NRXN1: variants seen among roughly 807,000 people sequenced by gnomAD.
NRXN1 encodes the protein neurexin-1.
A neutral mutation model predicts 150.9 loss-of-function variants in NRXN1; 39 were observed. The observed-to-expected ratio is 0.26, with a 90% CI of 0.20 to 0.34. The LOEUF is 0.34. Among genes scored for constraint, NRXN1 ranks in the 10% least tolerant of loss-of-function variants. The pLI is 1.00. For missense variants in NRXN1, 1,815 were observed against 1,949.9 expected (o/e 0.93, Z 1.30); for synonymous variants, 924 against 757.0 (o/e 1.22, Z -3.62).
At chr2:50,807,175 G>C (rs903046143) in intron 5 of NRXN1, among the ~76,000 whole-genome samples, 3 of 151,746 alleles carry the variant, frequency 2.0e-5, no homozygotes, top group African/African-American at 7.3e-5. Flanking sequence ...ATCTATCTTT[G>C]TCTCCTATTA....
intron 17 of NRXN1, among the ~76,000 whole-genome samples, chr2:50,450,194 T>C (rs1021849398): frequency 5.3e-5 from 8 of 152,180 alleles, no homozygotes; most frequent in African/African-American, 1.9e-4. Flanking sequence ...ATGCTCTTCC[T>C]GCTTCTGTCT....
intron 17 of NRXN1, among the ~76,000 whole-genome samples, chr2:50,267,883 T>TA (rs971653534): frequency 0.016 from 2,313 of 148,688 alleles, 27 homozygotes; most frequent in Non-Finnish European, 0.024. Context: ...TGGAAGTGAT[T>TA]AAAAAAAAAA....
chr2:50,197,345 A>T (rs2061842877), intron 18 of NRXN1, among the ~76,000 whole-genome samples: 1 of 152,106 alleles, frequency 6.6e-6, no homozygotes, highest in African/African-American at 2.4e-5. Flanking sequence ...TCAATTGATC[A>T]TGAACATTTA....
intron 21 of NRXN1, among the ~76,000 whole-genome samples, chr2:50,014,930 G>C (rs1014985761): frequency 1.3e-5 from 2 of 152,142 alleles, no homozygotes; most frequent in African/African-American, 4.8e-5. Context: ...ATCACAGCCG[G>C]TGTAGTCAAG....
At chr2:50,125,008 A>G (rs1704366817) in intron 18 of NRXN1, among the ~76,000 whole-genome samples, 1 of 152,178 alleles carries the variant, frequency 6.6e-6, no homozygotes, top group Non-Finnish European at 1.5e-5. Flanking sequence ...AAACATAGAT[A>G]TGTATGTAAG....
intron 5 of NRXN1, among the ~76,000 whole-genome samples, chr2:50,689,846 T>C (rs893863419): frequency 4.0e-5 from 6 of 148,344 alleles, no homozygotes; most frequent in African/African-American, 1.5e-4. Flanking sequence ...TTGTTTTTTT[T>C]TGCTTATTTG....
At chr2:50,894,590 T>C (rs1470282579) in intron 5 of NRXN1, among the ~76,000 whole-genome samples, 6 of 152,086 alleles carry the variant, frequency 3.9e-5, no homozygotes, top group African/African-American at 7.2e-5. Flanking sequence ...TTCTTTATAG[T>C]GTCTAAGATC....
chr2:50,103,104 T>C (rs894584801), intron 18 of NRXN1, among the ~76,000 whole-genome samples: 1 of 152,094 alleles, frequency 6.6e-6, no homozygotes, highest in Middle Eastern at 3.2e-3. Context: ...GTGTCATTCA[T>C]CAATGTGCAT....
At chr2:50,561,750 T>C (rs1669113037) in intron 8 of NRXN1, among the ~76,000 whole-genome samples, 1 of 152,128 alleles carries the variant, frequency 6.6e-6, no homozygotes, top group African/African-American at 2.4e-5. Context: ...CACAGACAGA[T>C]ATAAAAGTCC....
chr2:50,479,349 T>C (rs1176961574), intron 15 of NRXN1, among the ~76,000 whole-genome samples: 2 of 152,116 alleles, frequency 1.3e-5, no homozygotes, highest in Admixed American at 6.6e-5. Context: ...CCTACTCAAC[T>C]TGGGGGACTC....
intron 8 of NRXN1, among the ~76,000 whole-genome samples, chr2:50,601,517 A>G (rs1181169809): frequency 2.6e-5 from 4 of 152,230 alleles, no homozygotes; most frequent in Non-Finnish European, 5.9e-5. Context: ...CTTGACTTCT[A>G]CAATGTAATT....
chr2:50,696,171 T>C (rs1692817450), intron 5 of NRXN1: 1 of 107,470 alleles, frequency 9.3e-6, no homozygotes, highest in African/African-American at 3.2e-5. Flanking sequence ...AGACAGTACA[T>C]ATACGTGTGT....
chr2:50,025,014 A>G (rs1291616305), intron 21 of NRXN1, among the ~76,000 whole-genome samples: 1 of 152,164 alleles, frequency 6.6e-6, no homozygotes, highest in Non-Finnish European at 1.5e-5. Context: ...TGATTTCAGT[A>G]CTGTTCACTC....
At chr2:50,769,724 T>C (rs904871217) in intron 5 of NRXN1, among the ~76,000 whole-genome samples, 10 of 152,104 alleles carry the variant, frequency 6.6e-5, no homozygotes, top group Non-Finnish European at 1.3e-4. Context: ...AGAAAATTTA[T>C]ACTTTCATAA....
rs115558094 is a variant in NRXN1, at chr2:50,369,769, C to T, written c.3364+95673G>A. Among the ~76,000 whole-genome samples, 1,120 of 152,052 alleles carry T rather than the reference C, an allele frequency of 7.4e-3. 21 individuals carry two copies. The highest frequency in any genetic ancestry group is 0.026 in the African/African-American group (1,060 of 41,528). ...GGCTAATCGAAGTAATGATCAGTGT[C>T]TCTTCTACCCATTTCTGTGAACTCT... is the stretch of plus-strand genomic sequence containing the variant. On this transcript the variant is annotated intron_variant, in intron 17 of 22. Coordinates refer to ENST00000401669, the MANE Select transcript of NRXN1 (RefSeq NM_001330078.2).
At chr2:50,365,548 G>A in intron 17 of NRXN1, among the ~76,000 whole-genome samples, 1 of 151,988 alleles carries the variant, frequency 6.6e-6, no homozygotes, top group East Asian at 1.9e-4. Flanking sequence ...ACAACAAAAA[G>A]TCTTCATAGC....
chr2:50,837,107 C>T (rs953629095), intron 5 of NRXN1, among the ~76,000 whole-genome samples: 3 of 151,988 alleles, frequency 2.0e-5, no homozygotes, highest in Non-Finnish European at 2.9e-5. Context: ...ACCGTATCTC[C>T]AGAGAAAAAC....
At chr2:50,656,288 A>G (rs1358730613) in intron 5 of NRXN1, 14 of 709,626 alleles carry the variant, frequency 2.0e-5, no homozygotes, top group Non-Finnish European at 3.4e-5. Context: ...GAAATTAAAT[A>G]GGCTTTTAAA....
intron 17 of NRXN1, among the ~76,000 whole-genome samples, chr2:50,237,997 A>G (rs2065634046): frequency 6.6e-6 from 1 of 152,020 alleles, no homozygotes; most frequent in South Asian, 2.1e-4. Context: ...TGCCTTGTGA[A>G]GAAGGTGCCT....
Sources: gnomAD v4.1 joint callset for allele counts (sites outside exome capture counted in the v4.1 genomes callset) on GRCh38, gnomAD v4.1.1 for gene constraint, MANE v1.5 for transcripts, NCBI Gene and HGNC (gene_info 2026-07-23, HGNC 2026-07-21) for gene names.